The following ADGRL2 variants were observed in gnomAD, a reference collection of about 807,000 sequenced individuals.
ADGRL2 encodes the protein calcium-independent alpha-latrotoxin receptor 2.
In ADGRL2, 44 loss-of-function variants were observed where a neutral mutation model predicts 157.4. The observed-to-expected ratio is 0.28, with a 90% CI of 0.22 to 0.36. The LOEUF is 0.36. ADGRL2 is among the 10% of genes least tolerant of loss of function. ADGRL2 has a pLI of 1.00. For synonymous variants in ADGRL2, 585 were observed against 624.7 expected (o/e 0.94, Z 0.95); for missense variants, 1,510 against 1,768.9 (o/e 0.85, Z 2.63).
chr1:81,800,052 A>T (rs1278123853), upstream of ADGRL2, among the ~76,000 whole-genome samples: 1 of 152,070 alleles, frequency 6.6e-6, no homozygotes, highest in Non-Finnish European at 1.5e-5. Context: ...CGAGAGGGGC[A>T]AGGAAGTGTG....
chr1:81,878,021 A>G (rs960902317), intron 2 of ADGRL2, among the ~76,000 whole-genome samples: 1 of 152,272 alleles, frequency 6.6e-6, no homozygotes, highest in East Asian at 1.9e-4. Context: ...TTTGTTTGCT[A>G]TATTAGAATA....
chr1:81,869,378 C>T (rs1054088327), intron 2 of ADGRL2, among the ~76,000 whole-genome samples: 3 of 152,116 alleles, frequency 2.0e-5, no homozygotes, highest in African/African-American at 7.2e-5. Context: ...GCCCTTGCTA[C>T]GTTACTTTAA....
intron 1 of ADGRL2, among the ~76,000 whole-genome samples, chr1:81,428,164 A>G (rs1156894172): frequency 6.6e-6 from 1 of 152,152 alleles, no homozygotes. Flanking sequence ...AGGGGAATCT[A>G]TTCTCCCCAT....
intron 1 of ADGRL2, among the ~76,000 whole-genome samples, chr1:81,818,610 A>G (rs1021396109): frequency 1.3e-5 from 2 of 152,158 alleles, no homozygotes; most frequent in African/African-American, 4.8e-5. Flanking sequence ...TTCTGGGCTT[A>G]ATTCTATTAA....
chr1:81,363,401 AT>A (rs1443699142), intron 1 of ADGRL2, among the ~76,000 whole-genome samples: 1 of 151,974 alleles, frequency 6.6e-6, no homozygotes, highest in Admixed American at 6.6e-5. Flanking sequence ...TACATAACGA[AT>A]TTTCCATAAA....
intron 1 of ADGRL2, among the ~76,000 whole-genome samples, chr1:81,735,703 T>G (rs1211060235): frequency 6.6e-6 from 1 of 151,636 alleles, no homozygotes; most frequent in Non-Finnish European, 1.5e-5. Context: ...GGCAGGAGAA[T>G]TGCTTGAACC....
At chr1:81,377,697 AT>A (rs1180403882) in intron 1 of ADGRL2, among the ~76,000 whole-genome samples, 4 of 152,148 alleles carry the variant, frequency 2.6e-5, no homozygotes, top group African/African-American at 9.7e-5. Flanking sequence ...ATTTGTGAGA[AT>A]GTATTTAATT....
chr1:81,795,741 C>G (rs1182692975), upstream of ADGRL2, among the ~76,000 whole-genome samples: 1 of 152,130 alleles, frequency 6.6e-6, no homozygotes, highest in Non-Finnish European at 1.5e-5. Context: ...ACTTGGTTAT[C>G]TTTAAGGATT....
intron 1 of ADGRL2, among the ~76,000 whole-genome samples, chr1:81,439,573 G>A (rs148476058): frequency 9.1e-4 from 139 of 152,346 alleles, no homozygotes; most frequent in African/African-American, 3.2e-3. Flanking sequence ...GGCCACTCTG[G>A]GTGTCGACAC....
chr1:81,717,127 G>A (rs1557591641), intron 1 of ADGRL2, among the ~76,000 whole-genome samples: 1 of 152,178 alleles, frequency 6.6e-6, no homozygotes, highest in Admixed American at 6.5e-5. Flanking sequence ...TCTTCTGGCT[G>A]TTTCTCTAAA....
chr1:81,766,703 G>A (rs2086134865), intron 2 of ADGRL2, among the ~76,000 whole-genome samples: 1 of 151,614 alleles, frequency 6.6e-6, no homozygotes, highest in African/African-American at 2.4e-5. Flanking sequence ...GGTGGCACAT[G>A]CCTGTAATCC....
chr1:81,429,443 C>T (rs776421015), intron 1 of ADGRL2, among the ~76,000 whole-genome samples: 2 of 152,146 alleles, frequency 1.3e-5, no homozygotes, highest in Non-Finnish European at 2.9e-5. Context: ...TCCTGAACAG[C>T]CTGCCTATGT....
At position 81,833,897 on chromosome 1, in the gene ADGRL2, A is replaced by G. The variant is rs554314126; in HGVS notation, c.-100-2988A>G. Among the ~76,000 whole-genome samples the G allele has an allele frequency of 5.5e-4, 84 of 152,340 alleles. 1 individual carries two copies. Among genetic ancestry groups the G allele is most frequent in the African/African-American group, 2.0e-3 (84 of 41,580 alleles). ...AACGGACTTTTTACATGACAGGGTA[A>G]TAGGATACTTAGATCAAAAAAAATG... is the stretch of plus-strand genomic sequence containing the variant. On this transcript the variant is annotated intron_variant, in intron 1 of 23. Coordinates refer to ENST00000686636, the MANE Select transcript of ADGRL2 (RefSeq NM_001366006.2).
At chr1:81,802,587 G>A (rs2088408922) in intron 1 of ADGRL2, among the ~76,000 whole-genome samples, 2 of 152,130 alleles carry the variant, frequency 1.3e-5, no homozygotes, top group South Asian at 4.1e-4. Context: ...TTTCATAAAA[G>A]CTTGGGGTCG....
At chr1:81,783,578 A>G (rs1380054405) in intron 2 of ADGRL2, among the ~76,000 whole-genome samples, 1 of 152,342 alleles carries the variant, frequency 6.6e-6, no homozygotes, top group East Asian at 1.9e-4. Context: ...CTCTATAAAC[A>G]TAACTAAGAG....
intron 1 of ADGRL2, among the ~76,000 whole-genome samples, chr1:81,815,937 C>T (rs2090355604): frequency 6.6e-6 from 1 of 151,618 alleles, no homozygotes; most frequent in African/African-American, 2.4e-5. Flanking sequence ...TCTGGAGTTG[C>T]ATTTCTTAAA....
chr1:81,441,526 T>C (rs2077506976), intron 1 of ADGRL2, among the ~76,000 whole-genome samples: 1 of 152,134 alleles, frequency 6.6e-6, no homozygotes, highest in South Asian at 2.1e-4. Flanking sequence ...TGTTTTTGGG[T>C]TTTTTTGTTT....
chr1:81,401,547 T>C (rs1021145112), intron 1 of ADGRL2, among the ~76,000 whole-genome samples: 6 of 152,190 alleles, frequency 3.9e-5, no homozygotes, highest in Non-Finnish European at 8.8e-5. Flanking sequence ...CCTTTAGTTA[T>C]TGTATTAAAA....
At chr1:81,334,524 A>G (rs978713030) in intron 1 of ADGRL2, among the ~76,000 whole-genome samples, 4 of 152,190 alleles carry the variant, frequency 2.6e-5, no homozygotes, top group Admixed American at 1.3e-4. Flanking sequence ...AAAAATGCCA[A>G]TTTTACAGTT....
Sources: gnomAD v4.1 joint callset for allele counts (sites outside exome capture counted in the v4.1 genomes callset) on GRCh38, gnomAD v4.1.1 for gene constraint, MANE v1.5 for transcripts, NCBI Gene and HGNC (gene_info 2026-07-23, HGNC 2026-07-21) for gene names.